ICE1: variants seen among roughly 807,000 people sequenced by gnomAD.
ICE1 encodes the protein interactor of little elongation complex ELL subunit 1.
Under a neutral mutation model 192.7 loss-of-function variants are expected in ICE1, and 64 were observed. That is an observed-to-expected ratio of 0.33 (90% CI 0.27 to 0.41). The LOEUF is 0.41. Ranked by LOEUF, ICE1 falls within the 10% of genes least tolerant of loss-of-function variation. The pLI, the probability that ICE1 is intolerant of heterozygous loss-of-function variation, is 1.00. For synonymous variants in ICE1, 1,010 were observed against 984.5 expected (o/e 1.03, Z -0.49); for missense variants, 2,708 against 2,696.0 (o/e 1.00, Z -0.10).
In ICE1 at chr5:5,466,496, A is replaced by G; in HGVS notation, c.6055A>G (p.Lys2019Glu). ...RARLFCYSLL[K>E]EDFPESEKLT... ...TCGTTTGTTTTGCTACAGCCTACTT[A>G]AAGAAGGTATGCTTAGATTGTGACA... The change falls in exon 14 of 19, where the codon AAA (lysine) becomes GAA (glutamate). Residue 2019 changes from lysine to glutamate, a missense_variant. Lys to Glu is a moderately conservative substitution (Grantham distance 56). Transcript: ENST00000296564. The G allele has an allele frequency of 6.2e-7, 1 of 1,606,680 alleles. No homozygotes were observed. Among genetic ancestry groups the G allele is most frequent in the Non-Finnish European group, 8.5e-7 (1 of 1,177,798 alleles).
chr5:5,476,231 T>C (rs761599622), intron 17 of ICE1, among the ~76,000 whole-genome samples, 152 bp downstream of exon 17: 3 of 152,166 alleles, frequency 2.0e-5, no homozygotes, highest in Non-Finnish European at 2.9e-5. Context: ...GTCATTCTCC[T>C]TTCTCTCTCC....
At chr5:5,447,586 C>G in intron 8 of ICE1, 77 bp downstream of exon 8, 1 of 1,365,786 alleles carries the variant, frequency 7.3e-7, no homozygotes, top group Non-Finnish European at 1.0e-6. Context: ...TGTTGTAACT[C>G]ACGTAGGAGT....
At chr5:5,428,488 A>G (rs1365701415) in intron 1 of ICE1, among the ~76,000 whole-genome samples, 1 of 152,238 alleles carries the variant, frequency 6.6e-6, no homozygotes, top group Non-Finnish European at 1.5e-5. Context: ...AAATAATTTC[A>G]GACTTACAAT....
rs1314176177 is a variant in ICE1 at position 5,462,476 on chromosome 5, C to G, written c.3142C>G (p.Leu1048Val). The G allele has an allele frequency of 3.7e-6, 6 of 1,613,918 alleles. No homozygotes were observed. Among genetic ancestry groups the G allele is most frequent in the Non-Finnish European group, 5.1e-6 (6 of 1,179,904 alleles). Residue 1048 changes from leucine to valine, a missense_variant, in exon 13 of 19, where the codon CTT becomes GTT. Transcript: ENST00000296564. Reference sequence around the variant, plus strand: ...CAGCACACCACAAAATGCTAATGGACTTTGGAAATTGAAATCTACAACTCC... The same window carrying G: ...CAGCACACCACAAAATGCTAATGGAGTTTGGAAATTGAAATCTACAACTCC... ...STSTPQNANG[L>V]WKLKSTTPGG...
chr5:5,452,183 T>G (rs1451512645), intron 10 of ICE1, among the ~76,000 whole-genome samples: 3 of 149,206 alleles, frequency 2.0e-5, no homozygotes, highest in African/African-American at 7.4e-5. Flanking sequence ...TTTTTTTTTT[T>G]TGTACTGGAG....
At chr5:5,460,175 G>T (rs1738724504) in intron 12 of ICE1, among the ~76,000 whole-genome samples, 1 of 152,136 alleles carries the variant, frequency 6.6e-6, no homozygotes, top group Non-Finnish European at 1.5e-5. Flanking sequence ...GTAGAGTGGG[G>T]TGTGACACTT....
rs1468185349 is a variant in ICE1, at chr5:5,464,289, C to T, written c.4955C>T (p.Pro1652Leu). The change falls in exon 13 of 19, where the codon CCA (proline) becomes CTA (leucine). Residue 1652 changes from proline to leucine, a missense_variant. Pro to Leu is a moderately conservative substitution (Grantham distance 98). Around this residue, in one of 2 missense-constraint regions of ICE1, gnomAD observed 2,366 missense variants for 2,276.6 expected, o/e 1.04. Coordinates refer to ENST00000296564, the MANE Select transcript of ICE1 (RefSeq NM_015325.3). The surrounding 1 kb of genome is among the most constrained non-coding windows in gnomAD (Gnocchi z 4.0). ...TPPRTSQPLS[P>L]LISSSSPSSP... The stretch of plus-strand genomic sequence containing the variant: ...CCAAGGACTTCACAGCCACTGTCTC[C>T]ACTGATATCGAGTTCTAGTCCTTCC... The T allele has an allele frequency of 6.2e-7, 1 of 1,613,520 alleles. No individual in the cohort carries two copies. The highest frequency in any genetic ancestry group is 8.5e-7 in the Non-Finnish European group (1 of 1,179,840).
chr5:5,437,921 CA>C (rs1737919301), intron 3 of ICE1: 1 of 152,224 alleles, frequency 6.6e-6, no homozygotes, highest in Non-Finnish European at 1.5e-5. Context: ...AGGCCTGCTT[CA>C]ATATGATTTA....
At chr5:5,454,665 T>G in intron 11 of ICE1, 27 bp downstream of exon 11, 1 of 1,566,002 alleles carries the variant, frequency 6.4e-7, no homozygotes, top group Non-Finnish European at 8.8e-7. Flanking sequence ...CAGAAACCGA[T>G]TTCATATGTG....
chr5:5,454,861 GAGA>G (rs936696550), intron 11 of ICE1, among the ~76,000 whole-genome samples: 1 of 151,990 alleles, frequency 6.6e-6, no homozygotes, highest in Non-Finnish European at 1.5e-5. Flanking sequence ...AAAAAAAAAC[GAGA>G]AGGTCAAGTA....
chr5:5,423,416 G>T (rs987096133), intron 1 of ICE1, among the ~76,000 whole-genome samples: 1 of 143,310 alleles, frequency 7.0e-6, no homozygotes, highest in Non-Finnish European at 1.5e-5. Flanking sequence ...GTTGTTTGGA[G>T]GCAGAATCTT....
At position 5,464,995 on chromosome 5, in the gene ICE1, A is replaced by T. The variant is rs1004085216; in HGVS notation, c.5661A>T (p.Arg1887Ser). The change falls in exon 13 of 19, where the codon AGA becomes AGT. Residue 1887 changes from arginine (R) to serine (S), a missense_variant. By Grantham distance (110) the Arg-to-Ser change is moderately radical. Coordinates refer to ENST00000296564, the MANE Select transcript of ICE1 (RefSeq NM_015325.3). This position sits in a 1 kb window ranked among gnomAD's most constrained non-coding sequence, Gnocchi z 4.0. ...PAEVATTNEE[R>S]SCSSPAVSAV... Reference sequence around the variant, plus strand: ...AAGTTGCAACAACAAATGAGGAAAGAAGTTGTTCTAGTCCAGCCGTCAGTG... The same window carrying T: ...AAGTTGCAACAACAAATGAGGAAAGTAGTTGTTCTAGTCCAGCCGTCAGTG... The T allele has an allele frequency of 5.0e-6, 8 of 1,613,806 alleles. No individual in the cohort carries two copies. Among genetic ancestry groups the T allele is most frequent in the Non-Finnish European group, 6.8e-6 (8 of 1,179,864 alleles).
intron 12 of ICE1, among the ~76,000 whole-genome samples, chr5:5,460,224 G>C (rs1367699478): frequency 6.6e-6 from 1 of 152,182 alleles, no homozygotes; most frequent in African/African-American, 2.4e-5. Flanking sequence ...TCTCTGCGGG[G>C]TGCTGGGCAC....
chr5:5,450,661 T>C (rs1465568515), intron 10 of ICE1, among the ~76,000 whole-genome samples: 2 of 152,122 alleles, frequency 1.3e-5, no homozygotes, highest in Admixed American at 1.3e-4. Context: ...TGAAACAGAC[T>C]GAATATTAGA....
intron 6 of ICE1, 126 bp from the exon 7 acceptor site, chr5:5,444,163 C>A: frequency 1.6e-6 from 1 of 641,180 alleles, no homozygotes. Flanking sequence ...TCTTAGGATA[C>A]TAGTTCAGAC....
chr5:5,423,757 C>A (rs1243398867), intron 1 of ICE1, among the ~76,000 whole-genome samples: 1 of 152,130 alleles, frequency 6.6e-6, no homozygotes, highest in Non-Finnish European at 1.5e-5. Flanking sequence ...TTTTAACTTC[C>A]TACTATCGCG....
chr5:5,477,008 C>G (rs1281250953), intron 17 of ICE1, among the ~76,000 whole-genome samples: 1 of 152,152 alleles, frequency 6.6e-6, no homozygotes, highest in African/African-American at 2.4e-5. Context: ...TTATTTGCTA[C>G]AAATCGTTAG....
Position 5,475,980 on chromosome 5 carries a change from C to A in ICE1, c.6421C>A (p.Leu2141Met). ...CATGTTGTTTTTTTATAGTAAGGAGCTGTGGCCTGTGATGGATAAATGGAT... is the reference window on the plus strand; with the variant it reads ...CATGTTGTTTTTTTATAGTAAGGAGATGTGGCCTGTGATGGATAAATGGAT... ...WTHDNIISKE[L>M]WPVMDKWIKY... The change falls in exon 17 of 19, where the codon CTG becomes ATG. Residue 2141 changes from leucine (L) to methionine (M), a missense_variant. This residue lies in a region of ICE1 where 342 missense variants were observed against 419.3 expected (regional missense o/e 0.82). Transcript: ENST00000296564. 1.3e-6 allele frequency: 2 copies of A among 1,598,830 alleles called. No individual in the cohort carries two copies. Among genetic ancestry groups the A allele is most frequent in the Non-Finnish European group, 1.7e-6 (2 of 1,167,848 alleles).
intron 1 of ICE1, 100 bp from the exon 2 acceptor site, chr5:5,436,318 A>G (rs2111340846): frequency 4.1e-6 from 3 of 735,068 alleles, no homozygotes; most frequent in East Asian, 3.2e-5. Context: ...CTATGTTTAT[A>G]TAATTATTAA....
Sources: allele counts gnomAD v4.1 joint callset (sites outside exome capture counted in the v4.1 genomes callset), GRCh38; gene constraint gnomAD v4.1.1; regional missense constraint gnomAD v4.1.1; non-coding constraint Gnocchi (gnomAD v3.1); transcripts MANE v1.5; gene names NCBI Gene and HGNC (gene_info 2026-07-23, HGNC 2026-07-21).